Variants in EYS observed in about 807,000 individuals in gnomAD.
EYS encodes EGF-like photoreceptor maintenance factor, also known as protein eyes shut homolog.
Under a neutral mutation model 282.1 loss-of-function variants are expected in EYS, and 250 were observed. The ratio of observed to expected loss-of-function variants is 0.89; its 90% confidence interval spans 0.80 to 0.98. The LOEUF (loss-of-function observed/expected upper bound fraction) is 0.98, where lower values mean the gene tolerates loss of function less well. EYS is among the 50% of genes least tolerant of loss of function. EYS has a pLI of 0.00. For missense variants in EYS, 4,016 were observed against 3,709.0 expected, an observed-to-expected ratio of 1.08 and a Z score of -2.15; for synonymous variants, 1,355 against 1,282.9, an observed-to-expected ratio of 1.06 and a Z score of -1.20.
chr6:64,608,660 A>G (rs1193540555), intron 24 of EYS, among the ~76,000 whole-genome samples: 1 of 152,172 alleles, frequency 6.6e-6, no homozygotes, highest in African/African-American at 2.4e-5. Flanking sequence ...AAAACAATCA[A>G]GAAAAACTTT....
intron 22 of EYS, among the ~76,000 whole-genome samples, chr6:64,718,461 C>T (rs1931847): frequency 0.96 from 146,369 of 152,246 alleles, 70,550 homozygotes; most frequent in Non-Finnish European, 1. Context: ...TATTTTTTTA[C>T]ATATTTATCA....
chr6:65,227,685 T>C (rs545383094), intron 12 of EYS, among the ~76,000 whole-genome samples: 1 of 152,090 alleles, frequency 6.6e-6, no homozygotes, highest in African/African-American at 2.4e-5. Flanking sequence ...ATCCATACAT[T>C]GATGAATGAA....
chr6:64,353,357 A>T (rs868608663), intron 29 of EYS, among the ~76,000 whole-genome samples: 1 of 151,556 alleles, frequency 6.6e-6, no homozygotes, highest in Non-Finnish European at 1.5e-5. Context: ...AACATTTAAA[A>T]TATTTTAGTT....
intron 26 of EYS, among the ~76,000 whole-genome samples, chr6:64,512,889 A>G (rs1384746173): frequency 2.0e-5 from 3 of 151,716 alleles, no homozygotes; most frequent in East Asian, 1.9e-4. Flanking sequence ...TGTTTTATGT[A>G]CTCTCCATCT....
chr6:64,338,159 G>A (rs147180055), intron 29 of EYS, among the ~76,000 whole-genome samples: 1 of 151,992 alleles, frequency 6.6e-6, no homozygotes, highest in Non-Finnish European at 1.5e-5. Flanking sequence ...GAAATAAAGG[G>A]CATCCAAATA....
chr6:64,350,169 C>T (rs147976029), intron 29 of EYS, among the ~76,000 whole-genome samples: 38 of 151,372 alleles, frequency 2.5e-4, no homozygotes, highest in South Asian at 2.1e-3. Flanking sequence ...TTTTGTCATA[C>T]ATAATATTCT....
intron 5 of EYS, among the ~76,000 whole-genome samples, chr6:65,426,173 C>G (rs1767654058): frequency 6.6e-6 from 1 of 151,970 alleles, no homozygotes; most frequent in African/African-American, 2.4e-5. Context: ...GAGGTGGGTT[C>G]TTGCTACGTT....
chr6:63,869,660 A>C (rs1359985875), intron 35 of EYS, among the ~76,000 whole-genome samples: 1 of 152,216 alleles, frequency 6.6e-6, no homozygotes, highest in Non-Finnish European at 1.5e-5. Context: ...GAATGTGCCC[A>C]GCACAGTACT....
At position 63,984,397 on chromosome 6, in the gene EYS, A is replaced by G. The variant is rs767711114; in HGVS notation, c.7041T>C (p.Asn2347=). 1 of 1,548,206 alleles carries G rather than the reference A, an allele frequency of 6.5e-7. No homozygotes were observed. The highest frequency in any genetic ancestry group is 1.2e-5 in the South Asian group (1 of 83,998). The change falls in exon 35 of 43, where the codon AAT becomes AAC. Residue 2347 remains asparagine, a synonymous_variant. Coordinates refer to ENST00000503581, the MANE Select transcript of EYS (RefSeq NM_001142800.2). ...CTAATACTGACCTGATGCAGGTGCC[A>G]TTGTTGCGGCACAGATGATGAGCAC... The part of the protein sequence containing the change: ...PWCAHHLCRN[N]GTCISDNENL...
Position 64,696,768 on chromosome 6 carries a change from T to C in EYS, c.3444-70523A>G, listed in dbSNP as rs367555943. 2.4e-4 allele frequency among the ~76,000 whole-genome samples: 37 copies of C among 152,090 alleles called. No homozygotes were observed. The East Asian group carries it at 7.1e-3, about 29-fold the overall frequency. ...TAACCTTCATGAAAAAAAGAAGAAA[T>C]AATGTGTTGGGCGACAAGCAAATGC... On this transcript the variant is annotated intron_variant, in intron 22 of 42. Coordinates refer to ENST00000503581, the MANE Select transcript of EYS (RefSeq NM_001142800.2).
At chr6:65,145,061 G>A (rs991108080) in intron 12 of EYS, among the ~76,000 whole-genome samples, 7 of 151,830 alleles carry the variant, frequency 4.6e-5, no homozygotes, top group Non-Finnish European at 1.0e-4. Context: ...ATGAGCCACA[G>A]AGCCCATTTA....
At chr6:64,925,033 C>A (rs1768471476) in intron 15 of EYS, among the ~76,000 whole-genome samples, 1 of 152,114 alleles carries the variant, frequency 6.6e-6, no homozygotes, top group Non-Finnish European at 1.5e-5. Flanking sequence ...TGTATTAGTT[C>A]ATTTTCATGC....
At chr6:65,409,411 C>T (rs2150368511) in intron 5 of EYS, among the ~76,000 whole-genome samples, 1 of 152,310 alleles carries the variant, frequency 6.6e-6, no homozygotes, top group African/African-American at 2.4e-5. Context: ...ATTAGGCACA[C>T]CATAGTGACA....
At chr6:64,926,005 G>C (rs2150084358) in intron 15 of EYS, among the ~76,000 whole-genome samples, 1 of 152,288 alleles carries the variant, frequency 6.6e-6, no homozygotes, top group Middle Eastern at 3.4e-3. Flanking sequence ...CTACAGACTA[G>C]CAAGTGGTAG....
intron 12 of EYS, among the ~76,000 whole-genome samples, chr6:65,082,657 C>T (rs371330037): frequency 3.7e-4 from 57 of 152,042 alleles, no homozygotes; most frequent in African/African-American, 1.3e-3. Context: ...ATTTTTCCTA[C>T]ACTCTGTGCA....
At chr6:65,254,416 A>G (rs968268682) in intron 12 of EYS, among the ~76,000 whole-genome samples, 2 of 151,910 alleles carry the variant, frequency 1.3e-5, no homozygotes, top group Admixed American at 6.6e-5. Context: ...TTCAATTTAC[A>G]CAGGATGGAG....
intron 5 of EYS, among the ~76,000 whole-genome samples, chr6:65,445,749 C>A (rs1267138469): frequency 6.6e-6 from 1 of 151,648 alleles, no homozygotes; most frequent in East Asian, 1.9e-4. Flanking sequence ...TCATATTTAA[C>A]CGTCATGGAA....
intron 22 of EYS, among the ~76,000 whole-genome samples, chr6:64,809,009 G>A (rs180792337): frequency 3.9e-5 from 6 of 152,002 alleles, no homozygotes; most frequent in African/African-American, 1.2e-4. Context: ...GTAAAAATAG[G>A]CTTTCATGGA....
Position 65,360,784 on chromosome 6 carries a change from A to G in EYS, c.1300-7167T>C, listed in dbSNP as rs149615580. Reference sequence around the variant, plus strand: ...CTAATGTGTGTTTACAGTCATTCCAAGAAATCCCATTTAGTGTAGTCACTG... The same window carrying G: ...CTAATGTGTGTTTACAGTCATTCCAGGAAATCCCATTTAGTGTAGTCACTG... On this transcript the variant is annotated intron_variant, in intron 8 of 42. Transcript: ENST00000503581. Among the ~76,000 whole-genome samples the G allele has an allele frequency of 6.6e-5, 10 of 152,298 alleles. No homozygotes were observed. In the East Asian group the frequency reaches 1.9e-3, roughly 29 times the overall value.
Sources: allele counts gnomAD v4.1 joint callset (sites outside exome capture counted in the v4.1 genomes callset), GRCh38; gene constraint gnomAD v4.1.1; transcripts MANE v1.5; gene names NCBI Gene and HGNC (gene_info 2026-07-23, HGNC 2026-07-21).